The following BEND6 variants were observed in gnomAD, a reference collection of about 807,000 sequenced individuals.
The protein encoded by BEND6 is BEN domain containing 6.
A neutral mutation model predicts 31.8 loss-of-function variants in BEND6; 24 were observed. The observed-to-expected ratio is 0.75, with a 90% CI of 0.55 to 1.06. The LOEUF is 1.06. BEND6 is among the 50% of genes least tolerant of loss of function. BEND6 has a pLI of 0.00. For synonymous variants in BEND6, 109 were observed against 114.6 expected, an observed-to-expected ratio of 0.95 and a Z score of 0.31; for missense variants, 294 against 327.4, an observed-to-expected ratio of 0.90 and a Z score of 0.79.
chr6:57,019,170 A>G (rs183361954), intron 6 of BEND6, among the ~76,000 whole-genome samples: 1 of 152,306 alleles, frequency 6.6e-6, no homozygotes, highest in Non-Finnish European at 1.5e-5. Context: ...CATGTCCTAT[A>G]CTAAGAAAAA....
intron 3 of BEND6, among the ~76,000 whole-genome samples, chr6:56,999,652 C>A (rs1826852117): frequency 6.6e-6 from 1 of 152,218 alleles, no homozygotes; most frequent in African/African-American, 2.4e-5. Flanking sequence ...GTCCCTCCTT[C>A]CCCTGCAGCT....
At chr6:56,982,067 T>C (rs1826092094) in intron 2 of BEND6, 137 bp downstream of exon 2, 4 of 1,077,486 alleles carry the variant, frequency 3.7e-6, no homozygotes, top group Non-Finnish European at 5.1e-6. Flanking sequence ...GGAGAAAATA[T>C]AATCTTATGT....
intron 1 of BEND6, among the ~76,000 whole-genome samples, chr6:56,973,598 G>A (rs76833333): frequency 0.01 from 1,524 of 152,212 alleles, 27 homozygotes; most frequent in African/African-American, 0.035. Flanking sequence ...ATATCTTACT[G>A]TACTAAGTAT....
intron 3 of BEND6, among the ~76,000 whole-genome samples, chr6:57,007,435 A>G (rs1407074781): frequency 6.6e-6 from 1 of 152,166 alleles, no homozygotes; most frequent in African/African-American, 2.4e-5. Flanking sequence ...AACTACTAGA[A>G]GAAAACATAG....
At chr6:57,025,673 A>G (rs1412135603) in intron 6 of BEND6, among the ~76,000 whole-genome samples, 1 of 152,200 alleles carries the variant, frequency 6.6e-6, no homozygotes, top group Non-Finnish European at 1.5e-5. Context: ...CACTTTTTGC[A>G]GTGTAGAAAC....
At chr6:57,024,159 G>A (rs991245202) in intron 6 of BEND6, among the ~76,000 whole-genome samples, 12 of 152,106 alleles carry the variant, frequency 7.9e-5, no homozygotes, top group Admixed American at 7.9e-4. Context: ...TTTTTATATT[G>A]CCTATCTCTT....
chr6:56,958,078 T>C (rs1825157142), intron 1 of BEND6, among the ~76,000 whole-genome samples: 2 of 152,164 alleles, frequency 1.3e-5, no homozygotes, highest in South Asian at 4.1e-4. Flanking sequence ...GAACCCAACC[T>C]GTTCAAATTC....
chr6:57,000,565 A>G (rs1826893392), intron 3 of BEND6, among the ~76,000 whole-genome samples: 2 of 151,004 alleles, frequency 1.3e-5, no homozygotes, highest in Non-Finnish European at 2.9e-5. Context: ...AAGAATGATC[A>G]ATAAATACTA....
chr6:56,973,131 T>G (rs1825747641), intron 1 of BEND6, among the ~76,000 whole-genome samples: 1 of 152,218 alleles, frequency 6.6e-6, no homozygotes, highest in African/African-American at 2.4e-5. Flanking sequence ...GAGAGAACCC[T>G]TCCTGGAGTA....
At chr6:57,018,588 T>C in intron 6 of BEND6, 31 bp downstream of exon 6, 2 of 1,446,938 alleles carry the variant, frequency 1.4e-6, no homozygotes, top group East Asian at 5.2e-5. Flanking sequence ...GTCCTTTCAA[T>C]GTGGCAAGAA....
At chr6:56,992,600 A>C in intron 3 of BEND6, 45 bp downstream of exon 3, 1 of 1,567,770 alleles carries the variant, frequency 6.4e-7, no homozygotes. Flanking sequence ...GGGAAAGTAT[A>C]TGATCAGTGG....
chr6:57,015,891 A>G (rs1369633699), intron 4 of BEND6, among the ~76,000 whole-genome samples: 6 of 151,754 alleles, frequency 4.0e-5, no homozygotes, highest in Non-Finnish European at 8.8e-5. Flanking sequence ...CTTAGGAGGG[A>G]GAAGAAGGTC....
In BEND6 at chr6:57,019,630, C is replaced by T. The variant is rs1260051078; in HGVS notation, c.*9+1073C>T. On this transcript the variant is annotated intron_variant, in intron 6 of 6. Transcript: ENST00000370746. ...ACTGACTACCACTCCCATCCTCCCC[C>T]AAGAGTCCCTTATCTATTTTGCTAC... 2.6e-5 allele frequency among the ~76,000 whole-genome samples: 4 copies of T among 152,190 alleles called. No homozygotes were observed. In the South Asian group the frequency reaches 8.3e-4, roughly 32 times the overall value.
chr6:57,013,659 C>T (rs116590612), intron 3 of BEND6: 81 of 152,614 alleles, frequency 5.3e-4, no homozygotes, highest in African/African-American at 1.8e-3. Context: ...TGATGAGTGG[C>T]GAAGATACTC....
intron 2 of BEND6, among the ~76,000 whole-genome samples, chr6:56,987,945 T>A (rs1331797611): frequency 6.6e-6 from 1 of 152,100 alleles, no homozygotes; most frequent in African/African-American, 2.4e-5. Context: ...TTCAAATAAT[T>A]GTCTTGCTAT....
intron 1 of BEND6, among the ~76,000 whole-genome samples, chr6:56,971,291 T>C (rs1428272830): frequency 6.6e-6 from 1 of 152,232 alleles, no homozygotes; most frequent in African/African-American, 2.4e-5. Flanking sequence ...ATCCATGTTA[T>C]AGAACATCAG....
intron 3 of BEND6, among the ~76,000 whole-genome samples, chr6:56,997,173 C>G (rs1364251445): frequency 6.6e-6 from 1 of 152,162 alleles, no homozygotes; most frequent in Non-Finnish European, 1.5e-5. Flanking sequence ...ATGATCTTGT[C>G]TTTAGTGTCT....
intron 1 of BEND6, among the ~76,000 whole-genome samples, chr6:56,964,174 G>A (rs1012666838): frequency 4.6e-5 from 7 of 151,920 alleles, no homozygotes; most frequent in African/African-American, 1.5e-4. Flanking sequence ...TTGGAGCTAG[G>A]ATTATGAATC....
chr6:56,990,850 G>C (rs984350780), intron 2 of BEND6, among the ~76,000 whole-genome samples: 6 of 152,090 alleles, frequency 3.9e-5, no homozygotes, highest in Admixed American at 3.3e-4. Context: ...ACAATCTTGA[G>C]ATCTCTTCCA....
Sources: gnomAD v4.1 joint callset for allele counts (sites outside exome capture counted in the v4.1 genomes callset) on GRCh38, gnomAD v4.1.1 for gene constraint, MANE v1.5 for transcripts, NCBI Gene and HGNC (gene_info 2026-07-23, HGNC 2026-07-21) for gene names.